The following CRYL1 variants were observed in gnomAD, a reference collection of about 807,000 sequenced individuals.
CRYL1 encodes the protein lambda-crystallin homolog.
Under a neutral mutation model 36.6 loss-of-function variants are expected in CRYL1, and 29 were observed. The observed-to-expected ratio is 0.79, with a 90% CI of 0.59 to 1.08. The LOEUF is 1.08. Among genes scored for constraint, CRYL1 ranks in the 50% least tolerant of loss-of-function variants. The pLI is 0.00. For synonymous variants in CRYL1, 152 were observed against 151.5 expected (o/e 1.00, Z -0.02); for missense variants, 411 against 407.9 (o/e 1.01, Z -0.06).
intron 5 of CRYL1, among the ~76,000 whole-genome samples, chr13:20,427,953 T>C (rs565534575): frequency 9.2e-5 from 14 of 151,554 alleles, no homozygotes; most frequent in African/African-American, 3.4e-4. Context: ...CGACGAACCA[T>C]CAAAACTCAA....
chr13:20,482,416 G>A (rs901294595), intron 3 of CRYL1, among the ~76,000 whole-genome samples: 12 of 152,234 alleles, frequency 7.9e-5, no homozygotes, highest in African/African-American at 2.9e-4. Flanking sequence ...AGTGGCTAAT[G>A]AGCTTTAATG....
Position 20,476,621 on chromosome 13 carries a change from A to T in CRYL1, c.276+12749T>A, listed in dbSNP as rs60173255. Reference sequence around the variant, plus strand: ...CCGCTAGGTGAGCAGCAGGGAGCCCAAGCCGGAAGAAAAACATGCAGCAGG... The same window carrying T: ...CCGCTAGGTGAGCAGCAGGGAGCCCTAGCCGGAAGAAAAACATGCAGCAGG... On this transcript the variant is annotated intron_variant, in intron 3 of 7. Coordinates refer to ENST00000298248, the MANE Select transcript of CRYL1 (RefSeq NM_015974.3). Among the ~76,000 whole-genome samples the T allele has an allele frequency of 2.0e-5, 3 of 152,244 alleles. No individual in the cohort carries two copies. The South Asian group carries it at 6.2e-4, about 32-fold the overall frequency.
rs116319643 is a variant in CRYL1 at position 20,516,922 on chromosome 13, A to T, written c.42-4372T>A. On this transcript the variant is annotated intron_variant, in intron 1 of 7. Coordinates refer to ENST00000298248, the MANE Select transcript of CRYL1 (RefSeq NM_015974.3). ...CTGCATCTCTACAAAAAAAAATTTTAAATTAGCTGGGTGTAGTGGCACATG... is the reference window on the plus strand; with the variant it reads ...CTGCATCTCTACAAAAAAAAATTTTTAATTAGCTGGGTGTAGTGGCACATG... Among the ~76,000 whole-genome samples the T allele has an allele frequency of 3.1e-3, 470 of 152,276 alleles. 3 individuals are homozygous for T. The highest frequency in any genetic ancestry group is 0.011 in the African/African-American group (450 of 41,556).
rs1353402799 is a variant in CRYL1 at position 20,415,681 on chromosome 13, C to T, written c.634-2294G>A. ...TTCCAGGAGAATTACAAAGCAAACG[C>T]TTGGCCTCGCCTGCCGCAGACTCCG... On this transcript the variant is annotated intron_variant, in intron 5 of 7. Transcript: ENST00000298248. This position sits in a 1 kb window ranked among gnomAD's most constrained non-coding sequence, Gnocchi z 4.1. 1.3e-5 allele frequency among the ~76,000 whole-genome samples: 2 copies of T among 152,346 alleles called. No individual in the cohort carries two copies. The highest frequency in any genetic ancestry group is 2.4e-5 in the African/African-American group (1 of 41,582).
At chr13:20,422,154 T>C (rs1357833644) in intron 5 of CRYL1, among the ~76,000 whole-genome samples, 1 of 151,126 alleles carries the variant, frequency 6.6e-6, no homozygotes, top group Non-Finnish European at 1.5e-5. Context: ...AGGTCAGGAG[T>C]TCAAGACCAG....
chr13:20,454,016 T>C lies in CRYL1; in HGVS notation c.277-14262A>G, dbSNP rs148734773. Among the ~76,000 whole-genome samples, 189 of 152,278 alleles carry C rather than the reference T, an allele frequency of 1.2e-3. 6 individuals carry two copies. The East Asian group carries it at 0.035, about 28-fold the overall frequency. On this transcript the variant is annotated intron_variant, in intron 3 of 7. Transcript: ENST00000298248. ...AAGTAATTAAATTTGTAGTTCAAAA[T>C]CTATCAACACAGAAAACTCCAGGCC... is the stretch of plus-strand genomic sequence containing the variant.
chr13:20,439,499 G>GT, intron 4 of CRYL1, 94 bp downstream of exon 4: 1 of 1,008,326 alleles, frequency 9.9e-7, no homozygotes, highest in Non-Finnish European at 1.4e-6. Flanking sequence ...ACAAGTTATT[G>GT]ACCCCCCTCC....
chr13:20,428,640 G>A (rs1188756916), intron 5 of CRYL1, among the ~76,000 whole-genome samples: 1 of 152,200 alleles, frequency 6.6e-6, no homozygotes, highest in African/African-American at 2.4e-5. Flanking sequence ...TCAGCAGCAA[G>A]ACACTGTCAC....
chr13:20,426,487 G>A (rs139738205), intron 5 of CRYL1, among the ~76,000 whole-genome samples: 37 of 152,108 alleles, frequency 2.4e-4, no homozygotes, highest in Non-Finnish European at 5.0e-4. Context: ...GTGAATCACA[G>A]CTATAGTGAC....
Position 20,514,832 on chromosome 13 carries a change from A to C in CRYL1, c.42-2282T>G, listed in dbSNP as rs116240334. On this transcript the variant is annotated intron_variant, in intron 1 of 7. Coordinates refer to ENST00000298248, the MANE Select transcript of CRYL1 (RefSeq NM_015974.3). ...AAAAATGTAAAAATTGTCTAAAAAA[A>C]TAAAGGTTTTTTTTAATGAAAGCAT... Among the ~76,000 whole-genome samples, 635 of 152,302 alleles carry C rather than the reference A, an allele frequency of 4.2e-3. 5 individuals carry two copies. The highest frequency in any genetic ancestry group is 0.014 in the African/African-American group (567 of 41,568).
intron 3 of CRYL1, among the ~76,000 whole-genome samples, chr13:20,465,032 A>G (rs539663237): frequency 5.2e-4 from 79 of 152,316 alleles, no homozygotes; most frequent in Middle Eastern, 6.8e-3. Context: ...TTTCAGGTTA[A>G]ATTTGCTCTT....
chr13:20,516,565 C>A (rs1176563081), intron 1 of CRYL1, among the ~76,000 whole-genome samples: 1 of 151,686 alleles, frequency 6.6e-6, no homozygotes, highest in Non-Finnish European at 1.5e-5. Flanking sequence ...CTGCAAGCTC[C>A]GCCTCCTGGG....
intron 3 of CRYL1, among the ~76,000 whole-genome samples, chr13:20,466,909 C>G (rs7322869): frequency 0.96 from 146,078 of 151,994 alleles, 70,471 homozygotes; most frequent in East Asian, 1. Context: ...ATGAAACACA[C>G]CAATGAATGA....
intron 2 of CRYL1, among the ~76,000 whole-genome samples, chr13:20,508,846 T>C (rs1565988197): frequency 5.4e-5 from 3 of 55,518 alleles, no homozygotes; most frequent in African/African-American, 1.2e-4. Flanking sequence ...AGAGCGAGAC[T>C]CCAAAAAAAA....
chr13:20,491,095 C>T (rs1271222726), intron 2 of CRYL1, among the ~76,000 whole-genome samples: 2 of 151,904 alleles, frequency 1.3e-5, no homozygotes, highest in East Asian at 1.9e-4. Context: ...TTGGTAGAGA[C>T]GGGGTTTCGC....
intron 6 of CRYL1, among the ~76,000 whole-genome samples, chr13:20,408,846 A>G (rs2031448462): frequency 6.6e-6 from 1 of 152,160 alleles, no homozygotes; most frequent in African/African-American, 2.4e-5. Flanking sequence ...AAGGAAATAA[A>G]AGAGGATACA....
chr13:20,416,282 G>A (rs1320524778), intron 5 of CRYL1, among the ~76,000 whole-genome samples: 1 of 152,192 alleles, frequency 6.6e-6, no homozygotes, highest in African/African-American at 2.4e-5. Flanking sequence ...GAGGAGGGTC[G>A]CCTCCTTTCA....
At chr13:20,467,983 T>G (rs976058044) in intron 3 of CRYL1, among the ~76,000 whole-genome samples, 26 of 152,086 alleles carry the variant, frequency 1.7e-4, no homozygotes. Context: ...TTAAGGGATC[T>G]AGGTTGTGCT....
Position 20,525,800 on chromosome 13 carries a change from G to A in CRYL1, c.-6C>T. 2.4e-6 allele frequency: 3 copies of A among 1,245,906 alleles called. No individual in the cohort carries two copies. Among genetic ancestry groups the A allele is most frequent in the South Asian group, 6.4e-5 (2 of 31,280 alleles). 77.2% of individuals were successfully genotyped at this position (1,245,906 alleles called of 1,614,324 possible). On this transcript the variant is annotated 5_prime_UTR_variant, in exon 1 of 8. Coordinates refer to ENST00000298248, the MANE Select transcript of CRYL1 (RefSeq NM_015974.3). The surrounding 1 kb of genome is among the most constrained non-coding windows in gnomAD (Gnocchi z 4.3). Reference sequence around the variant, plus strand: ...CCGGCCGCGGAGGACGCCATGGTTGGGCCGGGGACGCGGCGCCGCGGGCGC... The same window carrying A: ...CCGGCCGCGGAGGACGCCATGGTTGAGCCGGGGACGCGGCGCCGCGGGCGC...
Sources: allele counts gnomAD v4.1 joint callset (sites outside exome capture counted in the v4.1 genomes callset), GRCh38; gene constraint gnomAD v4.1.1; non-coding constraint Gnocchi (gnomAD v3.1); transcripts MANE v1.5; gene names NCBI Gene and HGNC (gene_info 2026-07-23, HGNC 2026-07-21).